The following ZNF221 variants were observed in gnomAD, a reference collection of about 807,000 sequenced individuals.
The protein encoded by ZNF221 is zinc finger protein 221.
Under a neutral mutation model 12.6 loss-of-function variants are expected in ZNF221, and 10 were observed. The ratio of observed to expected loss-of-function variants is 0.79; its 90% CI spans 0.49 to 1.34. The LOEUF (loss-of-function observed/expected upper bound fraction) is 1.34, where lower values mean the gene tolerates loss of function less well. ZNF221 is among the 40% of genes most tolerant of loss of function. The pLI is 0.00. For missense variants in ZNF221, 661 were observed against 721.4 expected (o/e 0.92, Z 0.96); for synonymous variants, 232 against 244.0 (o/e 0.95, Z 0.46).
At chr19:43,955,151 C>T (rs1974735784) in intron 1 of ZNF221, among the ~76,000 whole-genome samples, 2 of 151,554 alleles carry the variant, frequency 1.3e-5, no homozygotes, top group South Asian at 4.2e-4. Context: ...TTGGATCTTC[C>T]ACCATATAAG....
downstream of ZNF221, among the ~76,000 whole-genome samples, chr19:43,971,402 T>C (rs991136147): frequency 2.0e-5 from 3 of 152,092 alleles, no homozygotes; most frequent in Non-Finnish European, 4.4e-5. Flanking sequence ...AATTCACACA[T>C]AACAATACTA....
At chr19:43,963,181 T>C (rs566686009) in intron 2 of ZNF221, among the ~76,000 whole-genome samples, 8 of 152,314 alleles carry the variant, frequency 5.3e-5, no homozygotes, top group Admixed American at 4.6e-4. Context: ...TAATGTTCCA[T>C]TTTTATATTG....
intron 1 of ZNF221, among the ~76,000 whole-genome samples, chr19:43,955,802 A>G (rs1301203603): frequency 6.6e-6 from 1 of 152,238 alleles, no homozygotes; most frequent in African/African-American, 2.4e-5. Flanking sequence ...TGGAACTGCC[A>G]TTCACAAAAT....
At chr19:43,969,978 GGA>G (rs761923387), downstream of ZNF221, among the ~76,000 whole-genome samples, 1 of 152,202 alleles carries the variant, frequency 6.6e-6, no homozygotes, top group Non-Finnish European at 1.5e-5. Context: ...CCTCCCAACA[GGA>G]GTCTCTAGAC....
Position 43,967,254 on chromosome 19 carries a change from C to G in ZNF221, c.1752C>G (p.His584Gln). The change falls in exon 5 of 5, where the codon CAC becomes CAG. Residue 584 changes from histidine to glutamine, a missense_variant. His to Gln is a conservative substitution (Grantham distance 24). Transcript: ENST00000587682. ...GTCTTTTGAAACATCAGAGACTCCA[C>G]AGTGGAGAAAAGCCATTGAAATCTG... ...ASCLLKHQRL[H>Q]SGEKPLKSGV... 6.2e-7 allele frequency: 1 copy of G among 1,614,076 alleles called. No homozygotes were observed.
rs373636556 is a variant in ZNF221 at position 43,954,065 on chromosome 19, CAG to C, written c.-3+2668_-3+2669del. Among the ~76,000 whole-genome samples, 213 of 113,664 alleles carry C rather than the reference CAG, an allele frequency of 1.9e-3. 1 individual carries two copies. Among genetic ancestry groups the C allele is most frequent in the Middle Eastern group, 0.024 (2 of 82 alleles). 74.6% of individuals were successfully genotyped at this position (113,664 alleles called of 152,430 possible). Reference sequence around the variant, plus strand: ...CCACTGTACTCCAGCCTGGGCGAGACAGAGTGAGACTCCGTCTCAAAAAAAAA... The same window carrying C: ...CCACTGTACTCCAGCCTGGGCGAGACAGTGAGACTCCGTCTCAAAAAAAAA... On this transcript the variant is annotated intron_variant, in intron 1 of 4. Transcript: ENST00000587682.
chr19:43,977,737 G>T, the ZNF221 span, among the ~76,000 whole-genome samples: 869 of 152,238 alleles, frequency 5.7e-3, 11 homozygotes, highest in African/African-American at 0.02. Context: ...AGGTTAAAAG[G>T]CATTCTTCAA....
the ZNF221 span, among the ~76,000 whole-genome samples, chr19:43,976,414 G>GTT: frequency 2.2e-4 from 33 of 152,180 alleles, no homozygotes; most frequent in East Asian, 5.8e-3. Flanking sequence ...GTGTGTGCCT[G>GTT]TAATCCCAGC....
chr19:43,978,137 T>C, the ZNF221 span, among the ~76,000 whole-genome samples: 1 of 151,532 alleles, frequency 6.6e-6, no homozygotes, highest in African/African-American at 2.4e-5. Flanking sequence ...ATTGATTATG[T>C]AGGTATGTGT....
Position 43,967,342 on chromosome 19 carries a change from A to G in ZNF221, c.1840A>G (p.Arg614Gly), listed in dbSNP as rs1387810650. Residue 614 changes from arginine to glycine, a missense_variant, in exon 5 of 5, where the codon AGA becomes GGA. Arg to Gly is a moderately radical substitution (Grantham distance 125). Transcript: ENST00000587682. ...ATTTACATCAGTAAGTCTATGTGGG[A>G]GAAAAGCCATATAAATGTGAGAAGT... ...ASFTSVSLCG[R>G]KAI is the part of the protein sequence containing the mutation. The G allele has an allele frequency of 6.2e-7, 1 of 1,610,586 alleles. No homozygotes were observed. Among genetic ancestry groups the G allele is most frequent in the Non-Finnish European group, 8.5e-7 (1 of 1,178,246 alleles).
chr19:43,966,025 T>C lies in ZNF221; in HGVS notation c.523T>C (p.Cys175Arg), dbSNP rs145791771. 6.9e-5 allele frequency: 112 copies of C among 1,614,126 alleles called. No homozygotes were observed. The highest frequency in any genetic ancestry group is 8.8e-5 in the Non-Finnish European group (104 of 1,180,048). Reference sequence around the variant, plus strand: ...ACAGAAACCTTACCGTTGTAATGAATGTAAACAGTCCTTCAGTGATGTTTC... The same window carrying C: ...ACAGAAACCTTACCGTTGTAATGAACGTAAACAGTCCTTCAGTGATGTTTC... ...VQQKPYRCNE[C>R]KQSFSDVSVF... Residue 175 changes from cysteine to arginine, a missense_variant, in exon 5 of 5, where the codon TGT becomes CGT. By Grantham distance (180) the Cys-to-Arg change is radical. Coordinates refer to ENST00000587682, the MANE Select transcript of ZNF221 (RefSeq NM_001297588.2).
chr19:43,974,549 G>GA, the ZNF221 span, among the ~76,000 whole-genome samples: 13 of 151,366 alleles, frequency 8.6e-5, no homozygotes, highest in South Asian at 1.3e-3. Flanking sequence ...AAATTTACGA[G>GA]AAAAAAAACC....
chr19:43,953,103 A>T (rs528546910), intron 1 of ZNF221, among the ~76,000 whole-genome samples: 228 of 152,076 alleles, frequency 1.5e-3, no homozygotes, highest in Non-Finnish European at 2.6e-3. Flanking sequence ...AGTAGCTGGG[A>T]TTATAGGCAC....
At chr19:43,977,769 G>A in the ZNF221 span, among the ~76,000 whole-genome samples, 1 of 152,114 alleles carries the variant, frequency 6.6e-6, no homozygotes, top group Non-Finnish European at 1.5e-5. Context: ...GAGATAGTAA[G>A]CTTTTCATAA....
chr19:43,980,878 G>T, the ZNF221 span, among the ~76,000 whole-genome samples: 1 of 152,100 alleles, frequency 6.6e-6, no homozygotes, highest in Non-Finnish European at 1.5e-5. Context: ...TGTCCCAGCT[G>T]CTATGTAAGT....
chr19:43,952,549 A>G (rs888357388), intron 1 of ZNF221, among the ~76,000 whole-genome samples: 4 of 152,234 alleles, frequency 2.6e-5, no homozygotes, highest in African/African-American at 9.6e-5. Context: ...CATTTCGTCT[A>G]TTAAAGATGA....
intron 3 of ZNF221, 41 bp downstream of exon 3, chr19:43,965,117 G>C: frequency 6.2e-7 from 1 of 1,607,930 alleles, no homozygotes; most frequent in Non-Finnish European, 8.5e-7. Context: ...TTAGGCCCCA[G>C]GAATGGCTTT....
In ZNF221 at chr19:43,951,348, T is replaced by C. The variant is rs1055639161; in HGVS notation, c.-55T>C. 6.6e-6 allele frequency: 1 copy of C among 152,306 alleles called. No individual in the cohort carries two copies. Among genetic ancestry groups the C allele is most frequent in the Non-Finnish European group, 1.5e-5 (1 of 68,128 alleles). The allele number at this position is 152,306 out of a possible 1,614,324, so 9.4% of individuals were successfully genotyped here. A position where few individuals can be genotyped will look rare whatever the true frequency, so the allele number is the denominator to read the frequency against. ...TTTCCTGGACCTACTCTCGGAACCC[T>C]CAACGAGCTAGCGATAGATTTAGAG... On this transcript the variant is annotated 5_prime_UTR_variant, in exon 1 of 5. Coordinates refer to ENST00000587682, the MANE Select transcript of ZNF221 (RefSeq NM_001297588.2).
chr19:43,978,349 T>C, the ZNF221 span: 2 of 152,208 alleles, frequency 1.3e-5, no homozygotes, highest in South Asian at 4.1e-4. Flanking sequence ...TTATGCCTGC[T>C]ATGTTAACTT....
Sources: allele counts gnomAD v4.1 joint callset (sites outside exome capture counted in the v4.1 genomes callset), GRCh38; gene constraint gnomAD v4.1.1; transcripts MANE v1.5; gene names NCBI Gene and HGNC (gene_info 2026-07-23, HGNC 2026-07-21).